SGPL1: variants seen among roughly 807,000 people sequenced by gnomAD.
SGPL1 encodes sphingosine-1-phosphate lyase 1.
Under a neutral mutation model 68.9 loss-of-function variants are expected in SGPL1, and 37 were observed. The ratio of observed to expected loss-of-function variants is 0.54; its 90% CI spans 0.41 to 0.71. The LOEUF is 0.71. Among genes scored for constraint, SGPL1 ranks in the 30% least tolerant of loss-of-function variants. SGPL1 has a pLI of 0.00. For missense variants in SGPL1, 551 were observed against 704.6 expected, an observed-to-expected ratio of 0.78 and a Z score of 2.47; for synonymous variants, 236 against 248.5, an observed-to-expected ratio of 0.95 and a Z score of 0.47.
chr10:70,873,904 AT>A lies in SGPL1; in HGVS notation c.1298+317del, dbSNP rs1589477313. Among the ~76,000 whole-genome samples, 5 of 152,348 alleles carry A rather than the reference AT, an allele frequency of 3.3e-5. No individual in the cohort carries two copies. The East Asian group carries it at 9.7e-4, about 29-fold the overall frequency. ...GTACAATTTAATGGTTAGGACAGTG[AT>A]TCCCAAACTTGAGCATGCATTCTAA... On this transcript the variant is annotated intron_variant, in intron 12 of 14. Transcript: ENST00000373202.
chr10:70,867,974 A>C (rs1589473232), intron 7 of SGPL1, among the ~76,000 whole-genome samples: 1 of 152,252 alleles, frequency 6.6e-6, no homozygotes, highest in Admixed American at 6.5e-5. Flanking sequence ...ATTCTTTAAC[A>C]GGTATTGAAA....
chr10:70,844,825 T>C (rs886965079), intron 3 of SGPL1, among the ~76,000 whole-genome samples, 187 bp downstream of exon 3: 2 of 152,192 alleles, frequency 1.3e-5, no homozygotes, highest in African/African-American at 4.8e-5. Context: ...CTGCAACCTC[T>C]GCCTCCCAGG....
chr10:70,830,678 T>G (rs1845519831), intron 2 of SGPL1, among the ~76,000 whole-genome samples: 1 of 152,216 alleles, frequency 6.6e-6, no homozygotes. Context: ...ACAGAAGTTA[T>G]TAACTGGGGA....
At chr10:70,827,578 G>A (rs1269347595) in intron 2 of SGPL1, among the ~76,000 whole-genome samples, 1 of 152,140 alleles carries the variant, frequency 6.6e-6, no homozygotes, top group African/African-American at 2.4e-5. Flanking sequence ...AGAAACTGCA[G>A]AACAATCCTA....
At chr10:70,848,957 T>C (rs936287136) in intron 3 of SGPL1, among the ~76,000 whole-genome samples, 24 of 152,242 alleles carry the variant, frequency 1.6e-4, no homozygotes, top group Non-Finnish European at 2.6e-4. Context: ...TAAAAAATTC[T>C]AATTACTTTT....
chr10:70,827,586 C>T (rs567159739), intron 2 of SGPL1, among the ~76,000 whole-genome samples: 35 of 152,184 alleles, frequency 2.3e-4, no homozygotes, highest in Non-Finnish European at 4.3e-4. Flanking sequence ...CAGAACAATC[C>T]TAGCCCATTA....
At chr10:70,855,606 A>T (rs1342111979) in intron 5 of SGPL1, among the ~76,000 whole-genome samples, 1 of 152,232 alleles carries the variant, frequency 6.6e-6, no homozygotes, top group Non-Finnish European at 1.5e-5. Context: ...TAAATGTTTT[A>T]TAGTGCCTGG....
rs761577652 is a variant in SGPL1, at chr10:70,873,496, C to T, written c.1205C>T (p.Ala402Val). The T allele has an allele frequency of 1.8e-5, 29 of 1,614,136 alleles. No individual in the cohort carries two copies. Among genetic ancestry groups the T allele is most frequent in the Non-Finnish European group, 2.5e-5 (29 of 1,180,042 alleles). Residue 402 changes from alanine to valine, a missense_variant, in exon 12 of 15, where the codon GCA becomes GTA. By Grantham distance (64) the Ala-to-Val change is moderately conservative (BLOSUM62 0). Coordinates refer to ENST00000373202, the MANE Select transcript of SGPL1 (RefSeq NM_003901.4). ...IAGSRPGGIS[A>V]ACWAALMHFG... is the part of the protein sequence containing the mutation. ...GGCTCACGGCCTGGTGGCATTAGCG[C>T]AGCCTGTTGGGCTGCCTTGATGCAC...
chr10:70,863,563 GT>G, intron 7 of SGPL1, among the ~76,000 whole-genome samples: 1 of 152,120 alleles, frequency 6.6e-6, no homozygotes, highest in South Asian at 2.1e-4. Context: ...TTGAAGTTAA[GT>G]CTGGAAGTTC....
chr10:70,825,815 A>G (rs1845424045), intron 2 of SGPL1, among the ~76,000 whole-genome samples: 1 of 152,218 alleles, frequency 6.6e-6, no homozygotes, highest in Non-Finnish European at 1.5e-5. Context: ...ATCAGCTAGA[A>G]TTAGGTTTGA....
chr10:70,849,177 AT>A (rs1343250164), intron 3 of SGPL1, among the ~76,000 whole-genome samples: 1 of 152,132 alleles, frequency 6.6e-6, no homozygotes, highest in African/African-American at 2.4e-5. Context: ...CAGTTTGCTG[AT>A]TTTTAGACTT....
At chr10:70,831,119 G>A (rs962990812) in intron 2 of SGPL1, among the ~76,000 whole-genome samples, 4 of 152,138 alleles carry the variant, frequency 2.6e-5, no homozygotes, top group South Asian at 4.1e-4. Flanking sequence ...TTTCAGAGCC[G>A]TAAACAGCCT....
At chr10:70,845,750 A>G (rs867660082) in intron 3 of SGPL1, among the ~76,000 whole-genome samples, 2 of 152,086 alleles carry the variant, frequency 1.3e-5, no homozygotes, top group South Asian at 2.1e-4. Context: ...TGGATGTTCT[A>G]TAACACTCCC....
intron 2 of SGPL1, among the ~76,000 whole-genome samples, chr10:70,843,544 G>T (rs1362864018): frequency 2.6e-5 from 4 of 152,206 alleles, no homozygotes; most frequent in Non-Finnish European, 5.9e-5. Flanking sequence ...AGACTGCAAG[G>T]CAGGTTGTGA....
chr10:70,839,145 A>G (rs1845677024), intron 2 of SGPL1, among the ~76,000 whole-genome samples: 1 of 152,152 alleles, frequency 6.6e-6, no homozygotes, highest in African/African-American at 2.4e-5. Context: ...TACTATTTTG[A>G]TGCCTTTTGG....
Position 70,816,829 on chromosome 10 carries a change from G to T in SGPL1, c.-25G>T, listed in dbSNP as rs540930692. 1.2e-6 allele frequency: 2 copies of T among 1,613,306 alleles called. No homozygotes were observed. The highest frequency in any genetic ancestry group is 3.3e-5 in the Admixed American group (2 of 60,012). On this transcript the variant is annotated 5_prime_UTR_variant, in exon 2 of 15. Transcript: ENST00000373202. ...TTTACAGAGTCTGAAAAAGGGGAGC[G>T]CGGAGAGGAGGCTGGAAGAGGAAGA... is the stretch of plus-strand genomic sequence containing the variant.
chr10:70,855,681 T>C (rs1406412745), intron 5 of SGPL1, among the ~76,000 whole-genome samples: 1 of 152,272 alleles, frequency 6.6e-6, no homozygotes, highest in Non-Finnish European at 1.5e-5. Flanking sequence ...AGATTTATGT[T>C]TGTTACTGAT....
chr10:70,874,315 C>T (rs61851616), intron 12 of SGPL1, among the ~76,000 whole-genome samples: 26,247 of 152,216 alleles, frequency 0.17, 2,910 homozygotes, highest in South Asian at 0.32. Context: ...GGCACGGTGG[C>T]TCCGGCCTGT....
intron 2 of SGPL1, chr10:70,820,468 A>G (rs1004961032): frequency 3.9e-5 from 6 of 151,972 alleles, no homozygotes; most frequent in African/African-American, 1.2e-4. Flanking sequence ...TTTATTATTA[A>G]ATTATTATTA....
Sources: allele counts gnomAD v4.1 joint callset (sites outside exome capture counted in the v4.1 genomes callset), GRCh38; gene constraint gnomAD v4.1.1; transcripts MANE v1.5; gene names NCBI Gene and HGNC (gene_info 2026-07-23, HGNC 2026-07-21).